Variants in ADCYAP1R1 observed in about 807,000 individuals in gnomAD.
The protein encoded by ADCYAP1R1 is ADCYAP receptor type I.
A neutral mutation model predicts 67.6 loss-of-function variants in ADCYAP1R1; 44 were observed. The ratio of observed to expected loss-of-function variants is 0.65; its 90% CI spans 0.51 to 0.84. The LOEUF is 0.84. Ranked by LOEUF, ADCYAP1R1 falls within the 40% of genes least tolerant of loss-of-function variation. The pLI, the probability that ADCYAP1R1 is intolerant of heterozygous loss-of-function variation, is 0.00. For missense variants in ADCYAP1R1, 477 were observed against 587.9 expected (o/e 0.81, Z 1.95); for synonymous variants, 222 against 219.6 (o/e 1.01, Z -0.10).
At position 31,084,264 on chromosome 7, in the gene ADCYAP1R1, C is replaced by A. The variant is rs1040092724; in HGVS notation, c.438+14C>A. 3.1e-6 allele frequency: 5 copies of A among 1,606,144 alleles called. No homozygotes were observed. The highest frequency in any genetic ancestry group is 4.3e-6 in the Non-Finnish European group (5 of 1,173,124). ...ACTGGGGACCAGGTGAGTGTCTGCA[C>A]CCTGCTCCCCAGAGGTGGTGAGGGT... On this transcript the variant is annotated intron_variant, in intron 7 of 15. Coordinates refer to ENST00000304166, the MANE Select transcript of ADCYAP1R1 (RefSeq NM_001118.5).
rs556230037 is a variant in ADCYAP1R1, at chr7:31,078,297, A to G, written c.265+199A>G. On this transcript the variant is annotated intron_variant, in intron 4 of 15. Transcript: ENST00000304166. Reference sequence around the variant, plus strand: ...GTACACATGGGAACCATCGTTGTGGATGAAAGCAAGGCTGTGCCCTCACGC... The same window carrying G: ...GTACACATGGGAACCATCGTTGTGGGTGAAAGCAAGGCTGTGCCCTCACGC... Among the ~76,000 whole-genome samples, 9 of 152,020 alleles carry G rather than the reference A, an allele frequency of 5.9e-5. No individual in the cohort carries two copies. The South Asian group carries it at 1.9e-3, about 31-fold the overall frequency.
intron 3 of ADCYAP1R1, among the ~76,000 whole-genome samples, chr7:31,072,968 G>A (rs1156841369): frequency 1.3e-5 from 2 of 152,280 alleles, no homozygotes; most frequent in African/African-American, 4.8e-5. Flanking sequence ...AATGTGGGTG[G>A]CCTCTTAACT....
chr7:31,063,271 G>C lies in ADCYAP1R1; in HGVS notation c.7G>C (p.Gly3Arg). MA[G>R]VVHVSLAALL... ...GTGCTGGCCAAGAAGTGTCATGGCT[G>C]GTGTCGTGCACGTTTCCCTGGCTGC... The change falls in exon 2 of 16, where the codon GGT (glycine) becomes CGT (arginine). Residue 3 changes from glycine (G) to arginine (R), a missense_variant. By Grantham distance (125) the Gly-to-Arg change is moderately radical. Transcript: ENST00000304166. 1 of 1,614,204 alleles carries C rather than the reference G, an allele frequency of 6.2e-7. No homozygotes were observed. The highest frequency in any genetic ancestry group is 8.5e-7 in the Non-Finnish European group (1 of 1,180,032).
At chr7:31,061,627 C>T (rs1488344664) in intron 1 of ADCYAP1R1, among the ~76,000 whole-genome samples, 1 of 152,202 alleles carries the variant, frequency 6.6e-6, no homozygotes, top group African/African-American at 2.4e-5. Context: ...AGGCCTCCCT[C>T]CCCATCTCTG....
Position 31,086,972 on chromosome 7 carries a change from G to A in ADCYAP1R1, c.853G>A (p.Ala285Thr), listed in dbSNP as rs1376177892. 1 of 1,614,180 alleles carries A rather than the reference G, an allele frequency of 6.2e-7. No homozygotes were observed. The highest frequency in any genetic ancestry group is 1.3e-5 in the African/African-American group (1 of 75,036). ...GTPTVCVTVW[A>T]TLRLYFDDTG... The stretch of plus-strand genomic sequence containing the variant: ...CCCAACTGTGTGTGTGACAGTGTGG[G>A]CTACGCTGAGACTCTACTTTGATGA... The change falls in exon 11 of 16, where the codon GCT becomes ACT. Residue 285 changes from alanine to threonine, a missense_variant. By Grantham distance (58) the Ala-to-Thr change is moderately conservative. Transcript: ENST00000304166. The surrounding 1 kb of genome is among the most constrained non-coding windows in gnomAD (Gnocchi z 5.0).
chr7:31,079,914 G>C (rs983390117), intron 4 of ADCYAP1R1, among the ~76,000 whole-genome samples: 1 of 152,210 alleles, frequency 6.6e-6, no homozygotes, highest in South Asian at 2.1e-4. Flanking sequence ...GGGCAGTCAG[G>C]CATGGTGGCA....
At chr7:31,054,720 G>A in intron 1 of ADCYAP1R1, among the ~76,000 whole-genome samples, 1 of 152,216 alleles carries the variant, frequency 6.6e-6, no homozygotes, top group East Asian at 1.9e-4. Flanking sequence ...GTCTGCCACA[G>A]GGCAGAACCA....
intron 13 of ADCYAP1R1, among the ~76,000 whole-genome samples, chr7:31,094,097 A>G (rs1796085783): frequency 6.6e-6 from 1 of 152,076 alleles, no homozygotes; most frequent in Non-Finnish European, 1.5e-5. Context: ...CTACCTATAC[A>G]ATGATTACAT....
Position 31,106,494 on chromosome 7 carries a change from A to T in ADCYAP1R1, c.1219-2A>T. The T allele has an allele frequency of 1.2e-6, 2 of 1,602,486 alleles. No homozygotes were observed. Among genetic ancestry groups the T allele is most frequent in the Non-Finnish European group, 1.7e-6 (2 of 1,174,002 alleles). ...AGTGACCGCCCAGTTTGCTCCCTGC[A>T]GGTACAAGCGGAGATCAAGCGAAAA... On this transcript the variant is annotated splice_acceptor_variant, in intron 15 of 15. Coordinates refer to ENST00000304166, the MANE Select transcript of ADCYAP1R1 (RefSeq NM_001118.5). LOFTEE classifies it high-confidence loss of function.
chr7:31,076,727 C>T (rs1795238824), intron 3 of ADCYAP1R1, among the ~76,000 whole-genome samples: 1 of 152,218 alleles, frequency 6.6e-6, no homozygotes, highest in South Asian at 2.1e-4. Flanking sequence ...GTGTCCCCTG[C>T]TGGGCCTGCC....
At chr7:31,096,510 A>C (rs1796201350) in intron 13 of ADCYAP1R1, among the ~76,000 whole-genome samples, 1 of 152,198 alleles carries the variant, frequency 6.6e-6, no homozygotes. Context: ...CTCATGTTGC[A>C]GACAGAGAAA....
At position 31,066,190 on chromosome 7, in the gene ADCYAP1R1, G is replaced by A. The variant is rs567670547; in HGVS notation, c.157+1254G>A. Among the ~76,000 whole-genome samples, 4 of 152,354 alleles carry A rather than the reference G, an allele frequency of 2.6e-5. No homozygotes were observed. The East Asian group carries it at 7.7e-4, about 29-fold the overall frequency. On this transcript the variant is annotated intron_variant, in intron 3 of 15. Coordinates refer to ENST00000304166, the MANE Select transcript of ADCYAP1R1 (RefSeq NM_001118.5). ...GCCGAGCCCTGAGGGCAGGGATGGT[G>A]TGGATCACATGGAGGATCAGGCTGA...
intron 1 of ADCYAP1R1, among the ~76,000 whole-genome samples, chr7:31,053,423 C>T (rs959973101): frequency 1.1e-4 from 16 of 152,220 alleles, no homozygotes. Flanking sequence ...GGCAGAAGCT[C>T]CTGCGGCGGC....
At position 31,105,226 on chromosome 7, in the gene ADCYAP1R1, A is replaced by T. The variant is rs112594025; in HGVS notation, c.1218+317A>T. On this transcript the variant is annotated intron_variant, in intron 15 of 15. Transcript: ENST00000304166. ...TCCCTGGGAGGGTCCTCTCCATAAG[A>T]CACTCCGTGGTGAGGAGGAATTGAC... is the stretch of plus-strand genomic sequence containing the variant. 3.9e-3 allele frequency among the ~76,000 whole-genome samples: 601 copies of T among 152,276 alleles called. 3 individuals carry two copies. The highest frequency in any genetic ancestry group is 0.014 in the African/African-American group (570 of 41,564).
intron 3 of ADCYAP1R1, among the ~76,000 whole-genome samples, chr7:31,067,696 G>A (rs569644213): frequency 2.6e-5 from 4 of 152,152 alleles, no homozygotes; most frequent in East Asian, 1.9e-4. Context: ...CCCCCCGGGC[G>A]CAGCACCAGC....
At chr7:31,087,557 G>T in intron 11 of ADCYAP1R1, 70 bp from the exon 12 acceptor site, 1 of 1,399,956 alleles carries the variant, frequency 7.1e-7, no homozygotes, top group Non-Finnish European at 1.0e-6. Context: ...GCTAGGCAGG[G>T]CAGTGTCCCG....
At chr7:31,081,835 C>A in intron 6 of ADCYAP1R1, 81 bp downstream of exon 6, 2 of 1,194,310 alleles carry the variant, frequency 1.7e-6, no homozygotes, top group Non-Finnish European at 2.4e-6. Context: ...GAACCCCATC[C>A]CAGGCTGGGC....
chr7:31,070,204 T>C (rs1794914895), intron 3 of ADCYAP1R1, among the ~76,000 whole-genome samples: 1 of 152,228 alleles, frequency 6.6e-6, no homozygotes, highest in African/African-American at 2.4e-5. Context: ...CCAGGCTCCG[T>C]TCCTTCTGCA....
In ADCYAP1R1 at chr7:31,095,985, G is replaced by A. The variant is rs115675690; in HGVS notation, c.1046+3250G>A. On this transcript the variant is annotated intron_variant, in intron 13 of 15. Coordinates refer to ENST00000304166, the MANE Select transcript of ADCYAP1R1 (RefSeq NM_001118.5). Reference sequence around the variant, plus strand: ...CAGGGCTTAGCATGTGCTCAGGGTCGACTTGGTCTGGGGCAGGGGTGAGGG... The same window carrying A: ...CAGGGCTTAGCATGTGCTCAGGGTCAACTTGGTCTGGGGCAGGGGTGAGGG... Among the ~76,000 whole-genome samples, 656 of 152,266 alleles carry A rather than the reference G, an allele frequency of 4.3e-3. 11 individuals are homozygous for A. The highest frequency in any genetic ancestry group is 0.015 in the African/African-American group (624 of 41,556).
Sources: gnomAD v4.1 joint callset for allele counts (sites outside exome capture counted in the v4.1 genomes callset) on GRCh38, gnomAD v4.1.1 for gene constraint, Gnocchi (gnomAD v3.1) non-coding constraint, MANE v1.5 for transcripts, NCBI Gene and HGNC (gene_info 2026-07-23, HGNC 2026-07-21) for gene names.